Variants in CLCA4 observed in about 807,000 individuals in gnomAD.
CLCA4 encodes the protein chloride channel accessory 4, also known as calcium-activated chloride channel regulator 4.
In CLCA4, 69 loss-of-function variants were observed where a neutral mutation model predicts 78.9. The observed-to-expected ratio is 0.87, with a 90% CI of 0.72 to 1.07. The LOEUF is 1.07. CLCA4 is among the 50% of genes least tolerant of loss of function. The pLI, the probability that CLCA4 is intolerant of heterozygous loss-of-function variation, is 0.00. For synonymous variants in CLCA4, 362 were observed against 375.8 expected (o/e 0.96, Z 0.42); for missense variants, 1,133 against 1,095.8 (o/e 1.03, Z -0.48).
chr1:86,570,644 G>C (rs1006998725), intron 7 of CLCA4, among the ~76,000 whole-genome samples: 1 of 152,064 alleles, frequency 6.6e-6, no homozygotes, highest in African/African-American at 2.4e-5. Context: ...AAATGTTGAA[G>C]TGGATTCTTA....
intron 3 of CLCA4, among the ~76,000 whole-genome samples, chr1:86,560,685 T>G (rs988173872): frequency 6.6e-6 from 1 of 152,222 alleles, no homozygotes; most frequent in Non-Finnish European, 1.5e-5. Context: ...CTTTTTAAAT[T>G]TTAATTTTTC....
At chr1:86,579,674 G>C (rs530414782) in intron 13 of CLCA4, 87 bp downstream of exon 13, 1 of 969,402 alleles carries the variant, frequency 1.0e-6, no homozygotes, top group African/African-American at 1.6e-5. Context: ...GGGGGAGAAT[G>C]GTTTTATATT....
At chr1:86,573,552 T>G (rs1650417071) in intron 9 of CLCA4, among the ~76,000 whole-genome samples, 2 of 151,162 alleles carry the variant, frequency 1.3e-5, no homozygotes, top group African/African-American at 4.8e-5. Flanking sequence ...ACAAATCTAT[T>G]TTCCTCTACT....
rs553564172 is a variant in CLCA4, at chr1:86,563,998, A to G, written c.557+229A>G. 2.4e-4 allele frequency among the ~76,000 whole-genome samples: 37 copies of G among 152,260 alleles called. No homozygotes were observed. The South Asian group carries it at 4.8e-3, about 20-fold the overall frequency. On this transcript the variant is annotated intron_variant, in intron 4 of 13. Transcript: ENST00000370563. ...TTAACATATTTTATACCTCTCTACC[A>G]TAGCCTCCAGAACTCACTTGCTTGG... is the stretch of plus-strand genomic sequence containing the variant.
chr1:86,580,218 C>T lies in CLCA4; in HGVS notation c.2633C>T (p.Thr878Ile). ...PQANPDDIDPTPTPTPTPTPD... is the reference protein window; with the variant it reads ...PQANPDDIDPIPTPTPTPTPD... ...GCAAATCCTGATGACATTGATCCTA[C>T]ACCTACTCCTACTCCTACTCCTACT... is the stretch of plus-strand genomic sequence containing the variant. The change falls in exon 14 of 14, where the codon ACA (threonine) becomes ATA (isoleucine). Residue 878 changes from threonine to isoleucine, a missense_variant. Transcript: ENST00000370563. 1.5e-5 allele frequency: 2 copies of T among 130,256 alleles called. No individual in the cohort carries two copies. Among genetic ancestry groups the T allele is most frequent in the South Asian group, 6.3e-4 (2 of 3,158 alleles). 8.1% of individuals were successfully genotyped at this position (130,256 alleles called of 1,614,324 possible).
chr1:86,560,283 G>A lies in CLCA4; in HGVS notation c.373G>A (p.Gly125Arg). The A allele has an allele frequency of 6.2e-7, 1 of 1,613,954 alleles. No homozygotes were observed. Among genetic ancestry groups the A allele is most frequent in the Non-Finnish European group, 8.5e-7 (1 of 1,179,886 alleles). The change falls in exon 3 of 14, where the codon GGA becomes AGA. Residue 125 changes from glycine to arginine, a missense_variant. Coordinates refer to ENST00000370563, the MANE Select transcript of CLCA4 (RefSeq NM_012128.4). ...EPYTKQFTEC[G>R]EKGEYIHFTP... ...ATACACCAAGCAGTTCACAGAATGT[G>A]GAGAGAAAGGCGAATACATTCACTT...
At chr1:86,556,167 C>T (rs2101794840) in intron 1 of CLCA4, among the ~76,000 whole-genome samples, 2 of 152,304 alleles carry the variant, frequency 1.3e-5, no homozygotes, top group South Asian at 4.1e-4. Flanking sequence ...GTTTGACTCC[C>T]TCTCTTCCTA....
At chr1:86,553,664 G>A (rs1250062295) in intron 1 of CLCA4, among the ~76,000 whole-genome samples, 1 of 152,236 alleles carries the variant, frequency 6.6e-6, no homozygotes, top group East Asian at 1.9e-4. Flanking sequence ...CCCGGGCATG[G>A]TGACTCACGT....
intron 1 of CLCA4, among the ~76,000 whole-genome samples, chr1:86,556,298 C>T (rs1186010085): frequency 6.6e-6 from 1 of 152,296 alleles, no homozygotes; most frequent in East Asian, 1.9e-4. Flanking sequence ...AAAGAGAATG[C>T]TTCCAGCTTT....
intron 1 of CLCA4, chr1:86,553,462 C>T (rs751321196): frequency 3.8e-5 from 13 of 346,642 alleles, no homozygotes; most frequent in Non-Finnish European, 5.7e-5. Context: ...GCCTTTGTCA[C>T]GACGATCCTG....
intron 1 of CLCA4, among the ~76,000 whole-genome samples, chr1:86,550,328 G>C (rs1329324931): frequency 6.6e-6 from 1 of 152,152 alleles, no homozygotes; most frequent in Non-Finnish European, 1.5e-5. Flanking sequence ...TGAATGATAG[G>C]TTTTTAGTGT....
intron 1 of CLCA4, among the ~76,000 whole-genome samples, chr1:86,553,868 G>A (rs969212474): frequency 6.6e-6 from 1 of 152,088 alleles, no homozygotes; most frequent in East Asian, 1.9e-4. Flanking sequence ...CCCGGGAGGC[G>A]GAGGTTGCAG....
At chr1:86,552,600 G>A (rs577305295) in intron 1 of CLCA4, 4 of 628,124 alleles carry the variant, frequency 6.4e-6, no homozygotes, top group South Asian at 1.9e-5. Context: ...ACACAGCTGC[G>A]AGCGCTCAGG....
At chr1:86,555,908 A>C (rs971844975) in intron 1 of CLCA4, among the ~76,000 whole-genome samples, 2 of 152,054 alleles carry the variant, frequency 1.3e-5, no homozygotes, top group African/African-American at 4.8e-5. Flanking sequence ...TCATTGTAGG[A>C]ATGTTTCACC....
At chr1:86,567,065 T>G (rs1650216755) in intron 6 of CLCA4, among the ~76,000 whole-genome samples, 1 of 151,894 alleles carries the variant, frequency 6.6e-6, no homozygotes, top group Non-Finnish European at 1.5e-5. Flanking sequence ...GGGGTATGGT[T>G]TTATCTGAAG....
rs200309705 is a variant in CLCA4, at chr1:86,560,311, C to T, written c.401C>T (p.Thr134Ile). The T allele has an allele frequency of 1.1e-4, 177 of 1,613,888 alleles. No homozygotes were observed. Among genetic ancestry groups the T allele is most frequent in the Non-Finnish European group, 1.3e-4 (149 of 1,179,936 alleles). ...GAGAAAGGCGAATACATTCACTTCACCCCTGACCTTCTACTTGGAAAAAAA... is the reference window on the plus strand; with the variant it reads ...GAGAAAGGCGAATACATTCACTTCATCCCTGACCTTCTACTTGGAAAAAAA... The part of the protein sequence containing the change: ...CGEKGEYIHF[T>I]PDLLLGKKQN... The change falls in exon 3 of 14, where the codon ACC becomes ATC. Residue 134 changes from threonine to isoleucine, a missense_variant. Coordinates refer to ENST00000370563, the MANE Select transcript of CLCA4 (RefSeq NM_012128.4).
chr1:86,549,156 G>C (rs1250903141), intron 1 of CLCA4, among the ~76,000 whole-genome samples: 2 of 152,142 alleles, frequency 1.3e-5, no homozygotes, highest in Non-Finnish European at 2.9e-5. Context: ...GTTAGGTGGG[G>C]CTGGATTGGG....
intron 1 of CLCA4, among the ~76,000 whole-genome samples, chr1:86,550,735 C>T (rs1649628727): frequency 1.3e-5 from 2 of 151,502 alleles, no homozygotes; most frequent in Admixed American, 1.3e-4. Flanking sequence ...GAGCAAGACT[C>T]TGTCTCAAAA....
At chr1:86,562,986 A>G (rs772605) in intron 3 of CLCA4, among the ~76,000 whole-genome samples, 99,266 of 151,660 alleles carry the variant, frequency 0.65, 32,857 homozygotes, top group East Asian at 0.93. Flanking sequence ...TTGTAGCAGA[A>G]GAGACTTTAT....
Sources: gnomAD v4.1 joint callset for allele counts (sites outside exome capture counted in the v4.1 genomes callset) on GRCh38, gnomAD v4.1.1 for gene constraint, MANE v1.5 for transcripts, NCBI Gene and HGNC (gene_info 2026-07-23, HGNC 2026-07-21) for gene names.